The following SEMA5A variants were observed in gnomAD, a reference collection of about 807,000 sequenced individuals.
The protein encoded by SEMA5A is semaphorin-5A.
SEMA5A carries 55 observed loss-of-function variants against 135.5 expected under a neutral mutation model. The observed-to-expected ratio is 0.41, with a 90% CI of 0.33 to 0.51. The LOEUF (loss-of-function observed/expected upper bound fraction) is 0.51, where lower values mean the gene tolerates loss of function less well. Ranked by LOEUF, SEMA5A falls within the 20% of genes least tolerant of loss-of-function variation. The probability of loss-of-function intolerance (pLI) is 0.37; values close to 1 mark genes in which losing one functional copy is unlikely to be tolerated. For synonymous variants in SEMA5A, 580 were observed against 546.5 expected (o/e 1.06, Z -0.85); for missense variants, 1,290 against 1,419.9 (o/e 0.91, Z 1.47).
chr5:9,451,758 G>C (rs1758652256), intron 1 of SEMA5A, among the ~76,000 whole-genome samples: 1 of 152,178 alleles, frequency 6.6e-6, no homozygotes, highest in Admixed American at 6.5e-5. Context: ...AATGAGGAGG[G>C]TAAGAAATGG....
intron 1 of SEMA5A, among the ~76,000 whole-genome samples, chr5:9,442,683 T>C (rs755856273): frequency 6.6e-6 from 1 of 152,202 alleles, no homozygotes; most frequent in Non-Finnish European, 1.5e-5. Context: ...GCCTATCGCA[T>C]TGGAATTATT....
intron 5 of SEMA5A, among the ~76,000 whole-genome samples, chr5:9,257,310 T>C (rs1366351983): frequency 6.6e-6 from 1 of 152,206 alleles, no homozygotes; most frequent in Non-Finnish European, 1.5e-5. Context: ...TTTCAATTGT[T>C]CCTTGGATGG....
At position 9,140,929 on chromosome 5, in the gene SEMA5A, G is replaced by A. The variant is rs180927262; in HGVS notation, c.1482-4308C>T. 1.8e-4 allele frequency among the ~76,000 whole-genome samples: 28 copies of A among 152,320 alleles called. No individual in the cohort carries two copies. The East Asian group carries it at 3.9e-3, about 21-fold the overall frequency. Reference sequence around the variant, plus strand: ...CTTGGAGACTTAAAACAATGCCACAGTGTTAGAGGGAAGTATTTCAAGCTG... The same window carrying A: ...CTTGGAGACTTAAAACAATGCCACAATGTTAGAGGGAAGTATTTCAAGCTG... On this transcript the variant is annotated intron_variant, in intron 12 of 22. Transcript: ENST00000382496.
intron 5 of SEMA5A, among the ~76,000 whole-genome samples, chr5:9,269,500 G>A (rs1033580715): frequency 6.6e-6 from 1 of 152,148 alleles, no homozygotes; most frequent in South Asian, 2.1e-4. Context: ...CTAAGTTAGC[G>A]TACTCACTTG....
chr5:9,055,476 G>A (rs1736838667), intron 18 of SEMA5A, among the ~76,000 whole-genome samples: 1 of 152,134 alleles, frequency 6.6e-6, no homozygotes, highest in South Asian at 2.1e-4. Flanking sequence ...ATCATTCAGG[G>A]CATAAGATTG....
chr5:9,215,641 G>A (rs1044440627), intron 8 of SEMA5A, among the ~76,000 whole-genome samples: 2 of 152,082 alleles, frequency 1.3e-5, no homozygotes, highest in Admixed American at 1.3e-4. Context: ...TGGCCATGCC[G>A]GCACCTTGAT....
chr5:9,268,014 A>G (rs557297413), intron 5 of SEMA5A, among the ~76,000 whole-genome samples: 41 of 152,258 alleles, frequency 2.7e-4, no homozygotes, highest in African/African-American at 9.9e-4. Context: ...ATATAAATTG[A>G]GTAATAAAAA....
At chr5:9,419,686 A>C (rs1757398474) in intron 2 of SEMA5A, among the ~76,000 whole-genome samples, 1 of 152,208 alleles carries the variant, frequency 6.6e-6, no homozygotes, top group Non-Finnish European at 1.5e-5. Flanking sequence ...ATGCATGCAC[A>C]CACAAGTACA....
In SEMA5A at chr5:9,109,337, G is replaced by A. The variant is rs186092862; in HGVS notation, c.1926-1050C>T. Among the ~76,000 whole-genome samples, 200 of 152,284 alleles carry A rather than the reference G, an allele frequency of 1.3e-3. 2 individuals are homozygous for A. The highest frequency in any genetic ancestry group is 4.6e-3 in the African/African-American group (193 of 41,566). ...TTACAGGCGTGAGCCACCGCGCCCA[G>A]CCTTCTCTTCAATTTTTAACACTGC... On this transcript the variant is annotated intron_variant, in intron 15 of 22. Coordinates refer to ENST00000382496, the MANE Select transcript of SEMA5A (RefSeq NM_003966.3).
At chr5:9,296,682 A>G (rs1420072465) in intron 5 of SEMA5A, among the ~76,000 whole-genome samples, 1 of 152,158 alleles carries the variant, frequency 6.6e-6, no homozygotes, top group Non-Finnish European at 1.5e-5. Context: ...TCTTGGACCA[A>G]ATATAAAACA....
At chr5:9,232,772 T>G (rs771421220) in intron 6 of SEMA5A, among the ~76,000 whole-genome samples, 4 of 152,212 alleles carry the variant, frequency 2.6e-5, no homozygotes, top group Non-Finnish European at 4.4e-5. Flanking sequence ...AATCTAATTT[T>G]AACCTAATGT....
chr5:9,289,378 T>G (rs558739335), intron 5 of SEMA5A, among the ~76,000 whole-genome samples: 1 of 152,210 alleles, frequency 6.6e-6, no homozygotes, highest in African/African-American at 2.4e-5. Flanking sequence ...GTTTAAAAAC[T>G]TCTATAACTG....
intron 11 of SEMA5A, among the ~76,000 whole-genome samples, chr5:9,178,666 T>C (rs552057490): frequency 3.9e-5 from 6 of 152,280 alleles, no homozygotes; most frequent in African/African-American, 1.4e-4. Flanking sequence ...GTATTCTGTA[T>C]AGATAATAGT....
At chr5:9,538,020 G>A (rs1339616016) in intron 1 of SEMA5A, among the ~76,000 whole-genome samples, 2 of 152,158 alleles carry the variant, frequency 1.3e-5, no homozygotes, top group Non-Finnish European at 2.9e-5. Context: ...CAAGAGAGCT[G>A]AGGAAGCCTG....
intron 18 of SEMA5A, among the ~76,000 whole-genome samples, 160 bp downstream of exon 18, chr5:9,062,727 C>G (rs1214481841): frequency 6.6e-6 from 1 of 152,184 alleles, no homozygotes; most frequent in Admixed American, 6.5e-5. Flanking sequence ...TCACAAAGTG[C>G]TGGGATTACC....
chr5:9,429,185 G>A (rs946027109), intron 2 of SEMA5A, among the ~76,000 whole-genome samples: 1 of 152,166 alleles, frequency 6.6e-6, no homozygotes, highest in Non-Finnish European at 1.5e-5. Flanking sequence ...CAATGTGGGG[G>A]AAATTATACC....
rs2150477721 is a variant in SEMA5A, at chr5:9,246,748, G to A, written c.271-8858C>T. Among the ~76,000 whole-genome samples the A allele has an allele frequency of 2.0e-5, 3 of 152,260 alleles. No individual in the cohort carries two copies. The South Asian group carries it at 6.2e-4, about 32-fold the overall frequency. Reference sequence around the variant, plus strand: ...AAACAATATGAGAAGCAGCATGTTAGCATGGGATTCTCTGTAAAACCTTGA... The same window carrying A: ...AAACAATATGAGAAGCAGCATGTTAACATGGGATTCTCTGTAAAACCTTGA... On this transcript the variant is annotated intron_variant, in intron 5 of 22. Transcript: ENST00000382496.
At chr5:9,500,160 T>C (rs993088304) in intron 1 of SEMA5A, among the ~76,000 whole-genome samples, 5 of 152,226 alleles carry the variant, frequency 3.3e-5, no homozygotes, top group African/African-American at 1.2e-4. Flanking sequence ...CAGAGCCAGA[T>C]GTAAATTACT....
intron 3 of SEMA5A, among the ~76,000 whole-genome samples, chr5:9,346,581 T>C (rs757425307): frequency 2.0e-5 from 3 of 152,152 alleles, no homozygotes; most frequent in Non-Finnish European, 2.9e-5. Context: ...CCTGCCAGCA[T>C]CCAAAATTGC....
Sources: allele counts gnomAD v4.1 joint callset (sites outside exome capture counted in the v4.1 genomes callset), GRCh38; gene constraint gnomAD v4.1.1; transcripts MANE v1.5; gene names NCBI Gene and HGNC (gene_info 2026-07-23, HGNC 2026-07-21).